PTPRZ1: variants seen among roughly 807,000 people sequenced by gnomAD.
PTPRZ1 encodes the protein protein tyrosine phosphatase receptor type Z1.
PTPRZ1 carries 82 observed loss-of-function variants against 214.1 expected under a neutral mutation model. The ratio of observed to expected loss-of-function variants is 0.38; its 90% CI spans 0.32 to 0.46. The LOEUF is 0.46. PTPRZ1 is among the 20% of genes least tolerant of loss of function. The pLI is 1.00. For synonymous variants in PTPRZ1, 945 were observed against 987.9 expected (o/e 0.96, Z 0.81); for missense variants, 2,603 against 2,748.7 (o/e 0.95, Z 1.19).
At chr7:121,930,149 G>C (rs1342752256) in intron 2 of PTPRZ1, among the ~76,000 whole-genome samples, 6 of 152,122 alleles carry the variant, frequency 3.9e-5, no homozygotes, top group African/African-American at 1.4e-4. Context: ...AGAGCAGGAA[G>C]AGTGAACAAA....
intron 11 of PTPRZ1, among the ~76,000 whole-genome samples, chr7:122,008,987 T>C (rs1798568329): frequency 6.6e-6 from 1 of 152,094 alleles, no homozygotes; most frequent in South Asian, 2.1e-4. Flanking sequence ...TGGGAAAATC[T>C]CTCAGGTGGT....
intron 26 of PTPRZ1, among the ~76,000 whole-genome samples, chr7:122,054,269 A>T (rs992555722): frequency 6.6e-6 from 1 of 152,176 alleles, no homozygotes; most frequent in Non-Finnish European, 1.5e-5. Flanking sequence ...ACTTAAATGT[A>T]TGTGTTTTGT....
chr7:121,967,334 C>T (rs1249103752), intron 2 of PTPRZ1, among the ~76,000 whole-genome samples: 1 of 152,096 alleles, frequency 6.6e-6, no homozygotes, highest in East Asian at 1.9e-4. Flanking sequence ...ATTTTAAGGA[C>T]AGCCTGATGA....
intron 1 of PTPRZ1, among the ~76,000 whole-genome samples, chr7:121,877,956 A>T (rs1303356712): frequency 1.3e-5 from 2 of 150,722 alleles, no homozygotes; most frequent in Non-Finnish European, 3.0e-5. Context: ...AAGTGTATAT[A>T]TATATATGTG....
intron 6 of PTPRZ1, among the ~76,000 whole-genome samples, chr7:121,978,851 C>T (rs899323647): frequency 1.3e-5 from 2 of 152,150 alleles, no homozygotes; most frequent in Non-Finnish European, 2.9e-5. Context: ...TAAAGTCAAA[C>T]GTTTCCATTT....
rs1246103154 is a variant in PTPRZ1, at chr7:122,025,242, A to G, written c.4989-3310A>G. ...CCACCAATTAAGAAAAATACTTAAA[A>G]TAAATAATGTAGAATAATGTCCAGG... On this transcript the variant is annotated intron_variant, in intron 13 of 29. Transcript: ENST00000393386. Among the ~76,000 whole-genome samples the G allele has an allele frequency of 2.0e-5, 3 of 152,204 alleles. No individual in the cohort carries two copies. The East Asian group carries it at 5.8e-4, about 29-fold the overall frequency.
At chr7:121,886,859 A>G (rs1794414074) in intron 1 of PTPRZ1, among the ~76,000 whole-genome samples, 1 of 152,088 alleles carries the variant, frequency 6.6e-6, no homozygotes, top group African/African-American at 2.4e-5. Context: ...TCATCAGGGG[A>G]AAGGACCTAT....
chr7:122,013,384 A>G lies in PTPRZ1; in HGVS notation c.4338A>G (p.Ser1446=). The change falls in exon 12 of 30, where the codon TCA becomes TCG. Residue 1446 remains serine (S), a synonymous_variant. Transcript: ENST00000393386. ...GLSIHKCMSC[S]SYRESQEKVM... is the part of the protein sequence containing the mutation. Reference sequence around the variant, plus strand: ...CCATTCATAAGTGTATGTCATGCTCATCCTATAGAGAATCACAGGAAAAGG... The same window carrying G: ...CCATTCATAAGTGTATGTCATGCTCGTCCTATAGAGAATCACAGGAAAAGG... 6.2e-7 allele frequency: 1 copy of G among 1,614,202 alleles called. No homozygotes were observed. Among genetic ancestry groups the G allele is most frequent in the Non-Finnish European group, 8.5e-7 (1 of 1,180,042 alleles).
intron 1 of PTPRZ1, among the ~76,000 whole-genome samples, chr7:121,887,855 A>G (rs1043716814): frequency 1.2e-4 from 19 of 152,016 alleles, no homozygotes; most frequent in African/African-American, 4.6e-4. Flanking sequence ...CCCTCTCGCT[A>G]ACACCTCTTC....
intron 1 of PTPRZ1, among the ~76,000 whole-genome samples, chr7:121,907,957 C>T (rs1795165384): frequency 6.6e-6 from 1 of 151,896 alleles, no homozygotes; most frequent in Admixed American, 6.6e-5. Flanking sequence ...TATAGCTATC[C>T]AACTGCAAAA....
intron 2 of PTPRZ1, among the ~76,000 whole-genome samples, chr7:121,963,391 T>A (rs1445151676): frequency 6.6e-6 from 1 of 152,120 alleles, no homozygotes; most frequent in Non-Finnish European, 1.5e-5. Context: ...ATCAGACACC[T>A]ACTATGTGTC....
intron 1 of PTPRZ1, among the ~76,000 whole-genome samples, chr7:121,921,903 A>G (rs1219576219): frequency 6.6e-6 from 1 of 152,190 alleles, no homozygotes; most frequent in Non-Finnish European, 1.5e-5. Context: ...GAATTACCAT[A>G]ATTAGCTAAA....
At chr7:122,058,306 A>AG (rs1347690087) in intron 27 of PTPRZ1, among the ~76,000 whole-genome samples, 2 of 152,046 alleles carry the variant, frequency 1.3e-5, no homozygotes, top group Non-Finnish European at 2.9e-5. Flanking sequence ...TGGTCACTTA[A>AG]GTAAGAATCA....
chr7:121,969,498 G>A (rs183914766), intron 3 of PTPRZ1, among the ~76,000 whole-genome samples: 1 of 150,036 alleles, frequency 6.7e-6, no homozygotes, highest in African/African-American at 2.5e-5. Context: ...GGAGTCGGAG[G>A]TTGAGTGAGC....
At chr7:121,961,773 T>G (rs1796887837) in intron 2 of PTPRZ1, among the ~76,000 whole-genome samples, 1 of 152,204 alleles carries the variant, frequency 6.6e-6, no homozygotes, top group Non-Finnish European at 1.5e-5. Flanking sequence ...AATAGGCAAG[T>G]TAACAGACAA....
At chr7:122,042,554 C>T in intron 21 of PTPRZ1, 54 bp from the exon 22 acceptor site, 1 of 1,509,370 alleles carries the variant, frequency 6.6e-7, no homozygotes, top group South Asian at 1.3e-5. Flanking sequence ...ATCTATTTTT[C>T]AAATTTATTT....
chr7:122,056,479 A>T (rs1239954879), intron 27 of PTPRZ1, among the ~76,000 whole-genome samples: 1 of 151,848 alleles, frequency 6.6e-6, no homozygotes, highest in East Asian at 1.9e-4. Context: ...ACTAAACTGG[A>T]CAGTTTCATT....
chr7:122,016,818 G>C (rs942160966), intron 12 of PTPRZ1, among the ~76,000 whole-genome samples: 2 of 151,726 alleles, frequency 1.3e-5, no homozygotes, highest in East Asian at 3.9e-4. Context: ...GGCTATTGAA[G>C]ACCTGCATAA....
intron 13 of PTPRZ1, among the ~76,000 whole-genome samples, chr7:122,020,932 G>A (rs1404588622): frequency 6.6e-6 from 1 of 151,738 alleles, no homozygotes; most frequent in Admixed American, 6.6e-5. Context: ...TTTTCTCCCC[G>A]TTCCCCACTG....
Sources: allele counts gnomAD v4.1 joint callset (sites outside exome capture counted in the v4.1 genomes callset), GRCh38; gene constraint gnomAD v4.1.1; transcripts MANE v1.5; gene names NCBI Gene and HGNC (gene_info 2026-07-23, HGNC 2026-07-21).